The following NELL2 variants were observed in gnomAD, a reference collection of about 807,000 sequenced individuals.
NELL2 encodes neural EGFL like 2, also known as protein kinase C-binding protein NELL2.
Under a neutral mutation model 109.6 loss-of-function variants are expected in NELL2, and 41 were observed. The observed-to-expected ratio is 0.37, with a 90% CI of 0.29 to 0.49. NELL2 has a LOEUF of 0.49. NELL2 is among the 20% of genes least tolerant of loss of function. NELL2 has a pLI of 0.98. For missense variants in NELL2, 900 were observed against 1,008.3 expected, an observed-to-expected ratio of 0.89 and a Z score of 1.45; for synonymous variants, 355 against 344.7, an observed-to-expected ratio of 1.03 and a Z score of -0.33.
chr12:44,864,342 T>TA (rs1944926983), intron 2 of NELL2, among the ~76,000 whole-genome samples: 1 of 152,086 alleles, frequency 6.6e-6, no homozygotes, highest in Non-Finnish European at 1.5e-5. Context: ...ACTTCACTTT[T>TA]AACAACACAT....
At chr12:44,767,081 C>T (rs1901147) in intron 9 of NELL2, among the ~76,000 whole-genome samples, 34,145 of 151,964 alleles carry the variant, frequency 0.22, 4,064 homozygotes, top group South Asian at 0.28. Flanking sequence ...ATCCGTGTTA[C>T]GTCTACCGGA....
At chr12:44,795,844 T>C (rs1008512883) in intron 3 of NELL2, among the ~76,000 whole-genome samples, 7 of 152,170 alleles carry the variant, frequency 4.6e-5, no homozygotes, top group African/African-American at 1.7e-4. Context: ...TTCCCTCACA[T>C]GTTAAGGGAG....
chr12:44,574,084 G>C (rs1463096297), intron 15 of NELL2, among the ~76,000 whole-genome samples: 1 of 150,728 alleles, frequency 6.6e-6, no homozygotes, highest in African/African-American at 2.4e-5. Flanking sequence ...TTTTTTTTGA[G>C]ATGGAGTCTC....
intron 16 of NELL2, among the ~76,000 whole-genome samples, chr12:44,532,247 T>C (rs1942099022): frequency 1.3e-5 from 2 of 152,188 alleles, no homozygotes; most frequent in Admixed American, 6.5e-5. Context: ...TTCTCATGTA[T>C]TTTTGCTACC....
At chr12:44,666,087 G>A (rs1318571904) in intron 12 of NELL2, among the ~76,000 whole-genome samples, 1 of 152,120 alleles carries the variant, frequency 6.6e-6, no homozygotes, top group Non-Finnish European at 1.5e-5. Context: ...AATTGCACAA[G>A]CTTATTAGAG....
At chr12:44,859,213 G>A (rs1468282107) in intron 2 of NELL2, among the ~76,000 whole-genome samples, 1 of 152,160 alleles carries the variant, frequency 6.6e-6, no homozygotes, top group Non-Finnish European at 1.5e-5. Context: ...AATAGAAGCA[G>A]TGCAATAAAT....
chr12:44,702,997 C>T (rs896838197), intron 12 of NELL2, among the ~76,000 whole-genome samples: 5 of 152,074 alleles, frequency 3.3e-5, no homozygotes, highest in African/African-American at 1.2e-4. Context: ...TCTCTGAATG[C>T]CCAAACACCT....
chr12:44,806,695 T>A (rs1333482168), intron 3 of NELL2, among the ~76,000 whole-genome samples: 1 of 151,860 alleles, frequency 6.6e-6, no homozygotes, highest in Non-Finnish European at 1.5e-5. Flanking sequence ...ATTTTGAATA[T>A]CACCCATGAA....
At chr12:44,835,948 G>A (rs1944040865) in intron 2 of NELL2, among the ~76,000 whole-genome samples, 1 of 152,162 alleles carries the variant, frequency 6.6e-6, no homozygotes, top group African/African-American at 2.4e-5. Flanking sequence ...AAGCATGCAG[G>A]AACAACGAAG....
At chr12:44,509,941 T>A (rs1014994743) in intron 19 of NELL2, among the ~76,000 whole-genome samples, 2 of 151,848 alleles carry the variant, frequency 1.3e-5, no homozygotes, top group African/African-American at 2.4e-5. Context: ...GTTAAGAAAC[T>A]GAAAAAAAGC....
At chr12:44,711,787 A>G (rs1226423681) in intron 10 of NELL2, among the ~76,000 whole-genome samples, 1 of 152,066 alleles carries the variant, frequency 6.6e-6, no homozygotes, top group African/African-American at 2.4e-5. Context: ...AGCTTTCGAA[A>G]CATTTCAGTT....
intron 9 of NELL2, among the ~76,000 whole-genome samples, chr12:44,770,764 C>T (rs960324253): frequency 2.6e-5 from 4 of 152,188 alleles, no homozygotes; most frequent in Admixed American, 6.6e-5. Context: ...TGAGAACTCT[C>T]TAACAATGGA....
chr12:44,658,042 G>A (rs916641334), intron 13 of NELL2, among the ~76,000 whole-genome samples: 12 of 152,140 alleles, frequency 7.9e-5, no homozygotes, highest in African/African-American at 2.9e-4. Context: ...CTAGATCCTT[G>A]AGGAATCACC....
chr12:44,911,477 C>A (rs1454882199), intron 1 of NELL2, among the ~76,000 whole-genome samples: 1 of 151,746 alleles, frequency 6.6e-6, no homozygotes, highest in Non-Finnish European at 1.5e-5. Flanking sequence ...TATAATCTTT[C>A]AAAAGATAAA....
At chr12:44,568,844 T>C (rs1461948856) in intron 15 of NELL2, among the ~76,000 whole-genome samples, 1 of 152,112 alleles carries the variant, frequency 6.6e-6, no homozygotes, top group Non-Finnish European at 1.5e-5. Context: ...GAAAGCAATA[T>C]GTACAAAATG....
At chr12:44,582,096 T>G (rs942835954) in intron 15 of NELL2, among the ~76,000 whole-genome samples, 1 of 152,100 alleles carries the variant, frequency 6.6e-6, no homozygotes, top group African/African-American at 2.4e-5. Flanking sequence ...AGGCCATCGA[T>G]AGTAGGAGGA....
chr12:44,532,471 C>T, intron 16 of NELL2, 110 bp downstream of exon 16: 2 of 1,063,476 alleles, frequency 1.9e-6, no homozygotes, highest in Non-Finnish European at 2.7e-6. Context: ...GTTGTATACA[C>T]ATATAGTAAA....
chr12:44,686,127 T>C (rs1566161419), intron 12 of NELL2, among the ~76,000 whole-genome samples: 1 of 152,200 alleles, frequency 6.6e-6, no homozygotes, highest in Non-Finnish European at 1.5e-5. Flanking sequence ...TTTTATTCTT[T>C]TTCTCTAAAC....
At chr12:44,730,277 T>G (rs1305198773) in intron 9 of NELL2, among the ~76,000 whole-genome samples, 1 of 152,080 alleles carries the variant, frequency 6.6e-6, no homozygotes, top group African/African-American at 2.4e-5. Context: ...AAAAACACTA[T>G]AGACTAAATG....
Sources: allele counts gnomAD v4.1 joint callset (sites outside exome capture counted in the v4.1 genomes callset), GRCh38; gene constraint gnomAD v4.1.1; transcripts MANE v1.5; gene names NCBI Gene and HGNC (gene_info 2026-07-23, HGNC 2026-07-21).